The following FBXO16 variants were observed in gnomAD, a reference collection of about 807,000 sequenced individuals.
The protein encoded by FBXO16 is F-box protein 16, also known as F-box only protein 16.
In FBXO16, 31 loss-of-function variants were observed where a neutral mutation model predicts 41.0. The ratio of observed to expected loss-of-function variants is 0.76; its 90% CI spans 0.57 to 1.02. FBXO16 has a LOEUF of 1.02. Among genes scored for constraint, FBXO16 ranks in the 50% least tolerant of loss-of-function variants. The pLI is 0.00. For synonymous variants in FBXO16, 133 were observed against 117.8 expected, an observed-to-expected ratio of 1.13 and a Z score of -0.84; for missense variants, 361 against 346.2, an observed-to-expected ratio of 1.04 and a Z score of -0.34.
At chr8:28,480,856 G>A (rs547872803) in intron 2 of FBXO16, among the ~76,000 whole-genome samples, 2 of 152,314 alleles carry the variant, frequency 1.3e-5, no homozygotes, top group South Asian at 2.1e-4. Context: ...TGGAGGTACA[G>A]AGAGAAAAGA....
intron 7 of FBXO16, among the ~76,000 whole-genome samples, chr8:28,441,343 C>A (rs1489889990): frequency 6.6e-6 from 1 of 152,202 alleles, no homozygotes; most frequent in Non-Finnish European, 1.5e-5. Flanking sequence ...GACATCCTTG[C>A]TCTCAAGGCC....
intron 3 of FBXO16, 80 bp downstream of exon 3, chr8:28,473,692 G>T: frequency 8.4e-7 from 1 of 1,196,114 alleles, no homozygotes; most frequent in Non-Finnish European, 1.2e-6. Context: ...AAGCCACCCA[G>T]TCTGATTTTT....
chr8:28,467,434 C>A (rs1284068879), intron 3 of FBXO16, among the ~76,000 whole-genome samples: 1 of 152,128 alleles, frequency 6.6e-6, no homozygotes, highest in Non-Finnish European at 1.5e-5. Flanking sequence ...GAGATAATTA[C>A]ATCTACCTTG....
At chr8:28,442,767 C>G (rs1802800284) in intron 7 of FBXO16, among the ~76,000 whole-genome samples, 1 of 152,162 alleles carries the variant, frequency 6.6e-6, no homozygotes, top group African/African-American at 2.4e-5. Flanking sequence ...GCTTTAGAAT[C>G]AAAAGCAGAA....
chr8:28,485,219 C>T (rs1297700458), intron 1 of FBXO16, among the ~76,000 whole-genome samples: 2 of 152,192 alleles, frequency 1.3e-5, no homozygotes, highest in Non-Finnish European at 2.9e-5. Flanking sequence ...GTTTCCCAGG[C>T]TGCCGTACAG....
At chr8:28,478,010 A>AAAAC (rs527928263) in intron 2 of FBXO16, among the ~76,000 whole-genome samples, 1 of 152,142 alleles carries the variant, frequency 6.6e-6, no homozygotes, top group Non-Finnish European at 1.5e-5. Context: ...GAGATCCTCA[A>AAAAC]AAACAAACAA....
intron 7 of FBXO16, among the ~76,000 whole-genome samples, chr8:28,440,783 C>G (rs1258904574): frequency 6.6e-6 from 1 of 152,194 alleles, no homozygotes; most frequent in East Asian, 1.9e-4. Context: ...AGTGAATGCT[C>G]TGAAACGGCA....
At chr8:28,429,913 T>A (rs531679581) in intron 7 of FBXO16, among the ~76,000 whole-genome samples, 53 of 152,128 alleles carry the variant, frequency 3.5e-4, no homozygotes, top group Admixed American at 1.4e-3. Flanking sequence ...CATGTCTCCA[T>A]CCACAGGAAG....
At chr8:28,442,935 C>T (rs563158187) in intron 7 of FBXO16, among the ~76,000 whole-genome samples, 3 of 152,130 alleles carry the variant, frequency 2.0e-5, no homozygotes, top group East Asian at 1.9e-4. Flanking sequence ...TCTGAAGGCT[C>T]TAAGTAATGA....
At chr8:28,434,591 T>A (rs1802659126) in intron 7 of FBXO16, among the ~76,000 whole-genome samples, 1 of 152,232 alleles carries the variant, frequency 6.6e-6, no homozygotes, top group African/African-American at 2.4e-5. Context: ...CTTCACTTTT[T>A]GTGACAATCT....
chr8:28,454,138 C>G (rs1563362803), intron 5 of FBXO16, among the ~76,000 whole-genome samples: 1 of 151,874 alleles, frequency 6.6e-6, no homozygotes, highest in Admixed American at 6.5e-5. Flanking sequence ...TGCACTCCAG[C>G]CTGGGCGACA....
intron 7 of FBXO16, among the ~76,000 whole-genome samples, chr8:28,441,944 G>GTGT (rs1256650751): frequency 3.1e-5 from 4 of 129,246 alleles, no homozygotes; most frequent in Non-Finnish European, 6.6e-5. Context: ...GTGTGTGTGT[G>GTGT]TATTTTTTTT....
chr8:28,471,805 CAAAAAAAAAAAAA>C (rs557259701), intron 3 of FBXO16, among the ~76,000 whole-genome samples: 3 of 23,750 alleles, frequency 1.3e-4, no homozygotes, highest in South Asian at 5.9e-3. Flanking sequence ...CAGAGAATCT[CAAAAAAAAAAAAA>C]AAAAAAAAAA....
chr8:28,487,730 T>A (rs755263935), intron 1 of FBXO16, among the ~76,000 whole-genome samples: 3 of 152,006 alleles, frequency 2.0e-5, no homozygotes, highest in Non-Finnish European at 2.9e-5. Flanking sequence ...AAAACATAAT[T>A]GTCCCCACTT....
chr8:28,452,022 A>C (rs575250463), intron 6 of FBXO16, among the ~76,000 whole-genome samples: 2 of 151,750 alleles, frequency 1.3e-5, no homozygotes, highest in East Asian at 3.9e-4. Context: ...AAATTAGAAG[A>C]AGCAATGTTA....
chr8:28,485,604 C>G (rs546375297), intron 1 of FBXO16, among the ~76,000 whole-genome samples: 1 of 152,190 alleles, frequency 6.6e-6, no homozygotes, highest in Non-Finnish European at 1.5e-5. Flanking sequence ...GTTTTAAACC[C>G]TCTGGGGTGT....
intron 4 of FBXO16, 75 bp from the exon 5 acceptor site, chr8:28,457,005 T>G (rs1177832904): frequency 1.3e-6 from 2 of 1,506,438 alleles, no homozygotes; most frequent in African/African-American, 2.8e-5. Flanking sequence ...TTCTCTAGGT[T>G]TTGAGCTGTC....
intron 5 of FBXO16, among the ~76,000 whole-genome samples, chr8:28,455,132 G>T (rs1803018809): frequency 6.6e-6 from 1 of 150,852 alleles, no homozygotes; most frequent in Non-Finnish European, 1.5e-5. Flanking sequence ...ATGTAGTGCA[G>T]TGGCTTGATC....
chr8:28,446,369 C>T (rs1031446501), intron 7 of FBXO16, among the ~76,000 whole-genome samples: 3 of 150,920 alleles, frequency 2.0e-5, no homozygotes, highest in Non-Finnish European at 4.4e-5. Context: ...GACAGGGTTC[C>T]GCCATGCTGC....
Sources: gnomAD v4.1 joint callset for allele counts (sites outside exome capture counted in the v4.1 genomes callset) on GRCh38, gnomAD v4.1.1 for gene constraint, MANE v1.5 for transcripts, NCBI Gene and HGNC (gene_info 2026-07-23, HGNC 2026-07-21) for gene names.